The following GMDS variants were observed in gnomAD, a reference collection of about 807,000 sequenced individuals.
GMDS encodes the protein GDP-mannose 4,6 dehydratase.
GMDS carries 20 observed loss-of-function variants against 49.9 expected under a neutral mutation model. That is an observed-to-expected ratio of 0.40 (90% CI 0.28 to 0.58). The LOEUF is 0.58. Among genes scored for constraint, GMDS ranks in the 20% least tolerant of loss-of-function variants. The pLI is 0.42. For missense variants in GMDS, 362 were observed against 481.4 expected, an observed-to-expected ratio of 0.75 and a Z score of 2.32; for synonymous variants, 177 against 178.6, an observed-to-expected ratio of 0.99 and a Z score of 0.07.
At chr6:2,052,549 G>C (rs1167664476) in intron 4 of GMDS, among the ~76,000 whole-genome samples, 1 of 152,178 alleles carries the variant, frequency 6.6e-6, no homozygotes, top group Non-Finnish European at 1.5e-5. Context: ...AAATCTGTGA[G>C]TAAGAACAAC....
chr6:2,215,663 A>C (rs1361298888), intron 1 of GMDS, among the ~76,000 whole-genome samples: 1 of 152,120 alleles, frequency 6.6e-6, no homozygotes, highest in Non-Finnish European at 1.5e-5. Context: ...GGAGGGAAGA[A>C]AAATAGGAGA....
chr6:1,952,969 C>T (rs949234191), intron 6 of GMDS, among the ~76,000 whole-genome samples: 6 of 152,182 alleles, frequency 3.9e-5, no homozygotes, highest in Admixed American at 1.3e-4. Flanking sequence ...CTCATGTAAC[C>T]AAACATCACC....
chr6:1,707,316 T>C (rs1006497418), intron 9 of GMDS, among the ~76,000 whole-genome samples: 9 of 152,186 alleles, frequency 5.9e-5, no homozygotes, highest in Non-Finnish European at 8.8e-5. Context: ...ATATTCTGAT[T>C]TTTAAAAATA....
intron 4 of GMDS, among the ~76,000 whole-genome samples, chr6:1,961,919 T>C (rs1763967036): frequency 6.6e-6 from 1 of 152,214 alleles, no homozygotes; most frequent in Admixed American, 6.5e-5. Flanking sequence ...AGGGACCCTA[T>C]TTAGACCACT....
At chr6:1,918,888 C>T (rs151238676) in intron 7 of GMDS, among the ~76,000 whole-genome samples, 2 of 152,240 alleles carry the variant, frequency 1.3e-5, no homozygotes, top group East Asian at 1.9e-4. Flanking sequence ...CTGCACTCAA[C>T]CAGAAAGAAA....
chr6:2,045,728 T>C (rs904477595), intron 4 of GMDS, among the ~76,000 whole-genome samples: 3 of 151,844 alleles, frequency 2.0e-5, no homozygotes, highest in East Asian at 3.9e-4. Context: ...GACAATGGAG[T>C]TCTTAAACTA....
intron 9 of GMDS, among the ~76,000 whole-genome samples, chr6:1,627,616 A>G (rs1162994704): frequency 6.6e-6 from 1 of 152,198 alleles, no homozygotes; most frequent in Non-Finnish European, 1.5e-5. Context: ...GAGCTTATCT[A>G]CTGTGCTCTT....
At chr6:1,690,897 T>C (rs976298049) in intron 9 of GMDS, among the ~76,000 whole-genome samples, 1 of 152,168 alleles carries the variant, frequency 6.6e-6, no homozygotes, top group Admixed American at 6.5e-5. Context: ...AGGGACGCTT[T>C]TACACTGTTG....
chr6:2,199,973 C>A (rs1019363342), intron 1 of GMDS, among the ~76,000 whole-genome samples: 5 of 152,156 alleles, frequency 3.3e-5, no homozygotes, highest in Admixed American at 6.5e-5. Context: ...CATACCATAG[C>A]AAATTAGAAA....
At chr6:2,144,685 G>C (rs1776465563) in intron 1 of GMDS, among the ~76,000 whole-genome samples, 1 of 152,180 alleles carries the variant, frequency 6.6e-6, no homozygotes, top group Admixed American at 6.5e-5. Flanking sequence ...ACCTGCAAGG[G>C]CAGCCTCTTC....
At chr6:1,818,625 A>T (rs1770767614) in intron 7 of GMDS, among the ~76,000 whole-genome samples, 1 of 151,794 alleles carries the variant, frequency 6.6e-6, no homozygotes, top group Non-Finnish European at 1.5e-5. Flanking sequence ...AAAAAAAAAA[A>T]AAGTGAGCAA....
intron 9 of GMDS, among the ~76,000 whole-genome samples, chr6:1,628,906 G>A (rs1762919364): frequency 6.6e-6 from 1 of 152,178 alleles, no homozygotes; most frequent in African/African-American, 2.4e-5. Context: ...AATAGCTCAG[G>A]TTCCAAGGGA....
chr6:1,926,161 C>T (rs529825286), intron 7 of GMDS, among the ~76,000 whole-genome samples: 3 of 152,162 alleles, frequency 2.0e-5, no homozygotes, highest in Non-Finnish European at 4.4e-5. Flanking sequence ...TCCAAGCCCA[C>T]GTGTGATCTG....
At chr6:1,624,585 G>T in intron 9 of GMDS, 45 bp from the exon 10 acceptor site, 2 of 1,395,436 alleles carry the variant, frequency 1.4e-6, no homozygotes, top group Non-Finnish European at 2.0e-6. Context: ...GGTCGTGGGG[G>T]TGGGGGCAGC....
chr6:2,095,311 G>A (rs1245597114), intron 4 of GMDS, among the ~76,000 whole-genome samples: 1 of 152,126 alleles, frequency 6.6e-6, no homozygotes, highest in African/African-American at 2.4e-5. Flanking sequence ...GTTAAACATA[G>A]AAAGTAACTA....
intron 4 of GMDS, among the ~76,000 whole-genome samples, chr6:1,990,781 A>T (rs1669226396): frequency 6.8e-6 from 1 of 147,086 alleles, no homozygotes; most frequent in African/African-American, 2.5e-5. Context: ...GGGTTTCACC[A>T]TGTTGCTGCC....
At chr6:2,015,945 C>A (rs1767864938) in intron 4 of GMDS, among the ~76,000 whole-genome samples, 1 of 151,580 alleles carries the variant, frequency 6.6e-6, no homozygotes, top group Non-Finnish European at 1.5e-5. Context: ...GGAGATTTCA[C>A]CTTAAAGGAA....
At chr6:1,790,264 T>C (rs226450) in intron 7 of GMDS, among the ~76,000 whole-genome samples, 62,680 of 151,996 alleles carry the variant, frequency 0.41, 13,114 homozygotes, top group African/African-American at 0.47. Context: ...AAAAAGAAGA[T>C]GAGCCAATAA....
chr6:1,828,292 G>A (rs1332714333), intron 7 of GMDS, among the ~76,000 whole-genome samples: 1 of 152,088 alleles, frequency 6.6e-6, no homozygotes, highest in African/African-American at 2.4e-5. Context: ...AGCGCCTAAG[G>A]AACTCAAGGG....
Sources: gnomAD v4.1 joint callset for allele counts (sites outside exome capture counted in the v4.1 genomes callset) on GRCh38, gnomAD v4.1.1 for gene constraint, MANE v1.5 for transcripts, NCBI Gene and HGNC (gene_info 2026-07-23, HGNC 2026-07-21) for gene names.